Variants in PCDHGA2 observed in about 807,000 individuals in gnomAD.
PCDHGA2 encodes protocadherin gamma-A2.
Under a neutral mutation model 59.2 loss-of-function variants are expected in PCDHGA2, and 40 were observed. That is an observed-to-expected ratio of 0.68 (90% CI 0.52 to 0.88). The LOEUF (loss-of-function observed/expected upper bound fraction) is 0.88. PCDHGA2 is among the 40% of genes least tolerant of loss of function. The probability of loss-of-function intolerance (pLI) is 0.00; values close to 1 mark genes in which losing one functional copy is unlikely to be tolerated. For synonymous variants in PCDHGA2, 560 were observed against 526.0 expected (o/e 1.06, Z -0.89); for missense variants, 1,226 against 1,204.0 (o/e 1.02, Z -0.27).
intron 1 of PCDHGA2, chr5:141,394,094 A>G (rs759909698): frequency 6.2e-7 from 1 of 1,613,934 alleles, no homozygotes; most frequent in Admixed American, 1.7e-5. Context: ...CCTCAGATCT[A>G]GGAACACCAC....
chr5:141,412,346 T>C (rs1489657145), intron 1 of PCDHGA2: 1 of 152,238 alleles, frequency 6.6e-6, no homozygotes, highest in African/African-American at 2.4e-5. Flanking sequence ...TATGTTCATT[T>C]TAGTTTGTGA....
At position 141,490,908 on chromosome 5, in the gene PCDHGA2, C is replaced by G; in HGVS notation, c.2425-3899C>G. On this transcript the variant is annotated intron_variant, in intron 1 of 3. Transcript: ENST00000394576. This position sits in a 1 kb window ranked among gnomAD's most constrained non-coding sequence, Gnocchi z 5.4. ...CATCTCTGCATGTGTTTGTCCTAGA[C>G]GAGAATGATAATGCCCCAGCTGTGC... The G allele has an allele frequency of 6.2e-7, 1 of 1,613,710 alleles. No individual in the cohort carries two copies. Among genetic ancestry groups the G allele is most frequent in the Non-Finnish European group, 8.5e-7 (1 of 1,179,754 alleles).
At chr5:141,419,316 G>T in intron 1 of PCDHGA2, 2 of 1,613,994 alleles carry the variant, frequency 1.2e-6, no homozygotes, top group Non-Finnish European at 1.7e-6. Context: ...CTCAACGGCC[G>T]TGTCTCCTAC....
intron 1 of PCDHGA2, among the ~76,000 whole-genome samples, chr5:141,464,286 A>AT (rs1453289283): frequency 6.6e-6 from 1 of 151,420 alleles, no homozygotes; most frequent in African/African-American, 2.4e-5. Flanking sequence ...AAGCAAAAAA[A>AT]AAAACTCCAT....
At chr5:141,399,798 G>T (rs2093890900) in intron 1 of PCDHGA2, 2 of 1,613,118 alleles carry the variant, frequency 1.2e-6, no homozygotes, top group Non-Finnish European at 1.7e-6. Context: ...ACGCACCGCG[G>T]GTGCTGTACC....
chr5:141,457,417 CT>C lies in PCDHGA2; in HGVS notation c.2425-37385del, dbSNP rs894846890. On this transcript the variant is annotated intron_variant, in intron 1 of 3. Transcript: ENST00000394576. ...ATTCACATTTTCACATTACCCATCC[CT>C]TTTTCCCCCCCACCAAGCTGCAGAA... Among the ~76,000 whole-genome samples, 3 of 152,296 alleles carry C rather than the reference CT, an allele frequency of 2.0e-5. No individual in the cohort carries two copies. In the South Asian group the frequency reaches 6.2e-4, roughly 32 times the overall value.
At chr5:141,465,047 T>C (rs2099095978) in intron 1 of PCDHGA2, among the ~76,000 whole-genome samples, 1 of 152,088 alleles carries the variant, frequency 6.6e-6, no homozygotes, top group Non-Finnish European at 1.5e-5. Context: ...TGACCCTATA[T>C]ATTTTTTTGA....
chr5:141,372,310 G>A (rs1768642217), intron 1 of PCDHGA2: 4 of 1,613,452 alleles, frequency 2.5e-6, no homozygotes, highest in Non-Finnish European at 2.5e-6. Context: ...GAGGCCGCCC[G>A]CCAGCGCCTG....
At chr5:141,366,692 A>C (rs777934534) in intron 1 of PCDHGA2, 1 of 1,614,256 alleles carries the variant, frequency 6.2e-7, no homozygotes, top group Non-Finnish European at 8.5e-7. Flanking sequence ...CTGTGAGAAA[A>C]GCGAGCCTCT....
Position 141,501,290 on chromosome 5 carries a change from TACACACACACACAC to T in PCDHGA2, c.2484-4072_2484-4059del, listed in dbSNP as rs55762287. ...GTCCAGTCTATGGGATATTCCCTTA[TACACACACACACAC>T]ACACACACACACACACACACACACA... On this transcript the variant is annotated intron_variant, in intron 2 of 3. Transcript: ENST00000394576. Among the ~76,000 whole-genome samples, 10 of 136,248 alleles carry T rather than the reference TACACACACACACAC, an allele frequency of 7.3e-5. No homozygotes were observed. In the South Asian group the frequency reaches 1.2e-3, roughly 16 times the overall value. 89.4% of individuals were successfully genotyped at this position (136,248 alleles called of 152,430 possible).
intron 1 of PCDHGA2, chr5:141,428,062 A>G: frequency 6.2e-7 from 1 of 1,609,084 alleles, no homozygotes; most frequent in African/African-American, 1.3e-5. Flanking sequence ...GTGGCGGTGG[A>G]CGCAGATTCG....
chr5:141,502,500 G>C (rs1398797155), intron 2 of PCDHGA2, among the ~76,000 whole-genome samples: 1 of 152,046 alleles, frequency 6.6e-6, no homozygotes, highest in Non-Finnish European at 1.5e-5. Flanking sequence ...ATCTAACGTC[G>C]GCCTGTCCCA....
chr5:141,494,929 GGA>G, intron 2 of PCDHGA2, 64 bp downstream of exon 2: 1 of 1,613,142 alleles, frequency 6.2e-7, no homozygotes, highest in Non-Finnish European at 8.5e-7. Flanking sequence ...TGACGTGGGA[GGA>G]GATGGGGGAG....
chr5:141,482,885 A>G (rs1353686606), intron 1 of PCDHGA2, among the ~76,000 whole-genome samples: 2 of 152,202 alleles, frequency 1.3e-5, no homozygotes. Flanking sequence ...CAGCCTGGCC[A>G]ACATGGTGAA....
intron 1 of PCDHGA2, chr5:141,371,346 G>A: frequency 6.2e-7 from 1 of 1,613,880 alleles, no homozygotes; most frequent in Non-Finnish European, 8.5e-7. Flanking sequence ...CTACACAATT[G>A]GGGTGGAAGC....
intron 1 of PCDHGA2, chr5:141,366,216 CG>C (rs1338698624): frequency 6.2e-7 from 1 of 1,613,804 alleles, no homozygotes; most frequent in Non-Finnish European, 8.5e-7. Context: ...GTGCGCACAG[CG>C]CGAGCCCTGC....
At chr5:141,484,790 A>T (rs1562101198) in intron 1 of PCDHGA2, among the ~76,000 whole-genome samples, 1 of 152,076 alleles carries the variant, frequency 6.6e-6, no homozygotes, top group Admixed American at 6.6e-5. Flanking sequence ...CACAGAGATA[A>T]CAACCCGTGG....
intron 1 of PCDHGA2, among the ~76,000 whole-genome samples, chr5:141,346,809 G>T (rs1418629575): frequency 1.3e-5 from 2 of 152,138 alleles, no homozygotes; most frequent in African/African-American, 4.8e-5. Context: ...CACAACACTG[G>T]TTTGTATACC....
rs369637121 is a variant in PCDHGA2 at position 141,388,619 on chromosome 5, C to G, written c.2424+47224C>G. ...ATAATGCTCCAGTGTTCAGTCAAGA[C>G]GTATACAGGGTGAGCCTTTCAGAAA... On this transcript the variant is annotated intron_variant, in intron 1 of 3. Transcript: ENST00000394576. 18 of 1,613,852 alleles carry G rather than the reference C, an allele frequency of 1.1e-5. No individual in the cohort carries two copies. The African/African-American group carries it at 1.7e-4, about 16-fold the overall frequency.
Sources: gnomAD v4.1 joint callset for allele counts (sites outside exome capture counted in the v4.1 genomes callset) on GRCh38, gnomAD v4.1.1 for gene constraint, Gnocchi (gnomAD v3.1) non-coding constraint, MANE v1.5 for transcripts, NCBI Gene and HGNC (gene_info 2026-07-23, HGNC 2026-07-21) for gene names.